Variants in PPP2R2C observed in about 807,000 individuals in gnomAD.
PPP2R2C encodes protein phosphatase 2, regulatory subunit B, gamma.
In PPP2R2C, 10 loss-of-function variants were observed where a neutral mutation model predicts 45.3. That is an observed-to-expected ratio of 0.22 (90% CI 0.14 to 0.37). The LOEUF is 0.37. Ranked by LOEUF, PPP2R2C falls within the 10% of genes least tolerant of loss-of-function variation. The probability of loss-of-function intolerance (pLI) is 1.00; values close to 1 mark genes in which losing one functional copy is unlikely to be tolerated. For missense variants in PPP2R2C, 308 were observed against 619.7 expected (o/e 0.50, Z 5.34); for synonymous variants, 257 against 245.4 (o/e 1.05, Z -0.44).
At chr4:6,514,266 C>G (rs1454882964) in intron 2 of PPP2R2C, among the ~76,000 whole-genome samples, 1 of 152,144 alleles carries the variant, frequency 6.6e-6, no homozygotes, top group African/African-American at 2.4e-5. Flanking sequence ...CTAAATGAAC[C>G]AAGTGGAGGA....
chr4:6,372,461 C>T (rs1199254946), intron 5 of PPP2R2C, 62 bp downstream of exon 5: 30 of 1,551,724 alleles, frequency 1.9e-5, no homozygotes, highest in East Asian at 1.1e-4. Flanking sequence ...AAACCAAACC[C>T]ACCACCCAAC....
At chr4:6,463,456 C>T (rs1264389195) in intron 1 of PPP2R2C, among the ~76,000 whole-genome samples, 1 of 152,248 alleles carries the variant, frequency 6.6e-6, no homozygotes, top group Non-Finnish European at 1.5e-5. Flanking sequence ...GCCCACACCC[C>T]AGCTGGGAAC....
chr4:6,446,292 C>A (rs551393240), intron 1 of PPP2R2C, among the ~76,000 whole-genome samples: 3 of 152,318 alleles, frequency 2.0e-5, no homozygotes, highest in African/African-American at 7.2e-5. Flanking sequence ...CCGACACACC[C>A]ACAGACACCA....
At chr4:6,392,288 A>T (rs1212443854) in intron 1 of PPP2R2C, among the ~76,000 whole-genome samples, 1 of 152,206 alleles carries the variant, frequency 6.6e-6, no homozygotes, top group Non-Finnish European at 1.5e-5. Context: ...ACTGTTGCAT[A>T]CACTGGAAAT....
Position 6,471,407 on chromosome 4 carries a change from G to A in PPP2R2C, c.70+753C>T, listed in dbSNP as rs1279547620. Among the ~76,000 whole-genome samples the A allele has an allele frequency of 6.6e-6, 1 of 152,082 alleles. No individual in the cohort carries two copies. The highest frequency in any genetic ancestry group is 2.4e-5 in the African/African-American group (1 of 41,446). On this transcript the variant is annotated intron_variant, in intron 1 of 8. Transcript: ENST00000382599. This position sits in a 1 kb window ranked among gnomAD's most constrained non-coding sequence, Gnocchi z 5.6. ...AGTTCCAGGCCTGTAAGAGAGGGGC[G>A]CTGACCCACCAGCCTCGGGGGTAGG... is the stretch of plus-strand genomic sequence containing the variant.
chr4:6,406,176 C>G (rs1006991098), intron 1 of PPP2R2C, among the ~76,000 whole-genome samples: 25 of 152,158 alleles, frequency 1.6e-4, no homozygotes, highest in Admixed American at 9.8e-4. Flanking sequence ...TTTGGGTTTG[C>G]CTTCCTGAAT....
chr4:6,488,245 G>A (rs1361668326), intron 2 of PPP2R2C, among the ~76,000 whole-genome samples: 1 of 152,138 alleles, frequency 6.6e-6, no homozygotes, highest in Non-Finnish European at 1.5e-5. Context: ...ATTATGATTT[G>A]CATTTTCCTG....
intron 5 of PPP2R2C, among the ~76,000 whole-genome samples, chr4:6,366,706 G>C (rs1021965146): frequency 6.6e-6 from 1 of 152,206 alleles, no homozygotes; most frequent in Admixed American, 6.5e-5. Flanking sequence ...CCAGGCCAAA[G>C]AGGCAGATGG....
intron 2 of PPP2R2C, among the ~76,000 whole-genome samples, chr4:6,532,360 C>T (rs973464558): frequency 3.3e-5 from 5 of 152,234 alleles, no homozygotes; most frequent in African/African-American, 9.6e-5. Context: ...GGCCAGGGTT[C>T]TCACAGTGTT....
chr4:6,478,750 C>A (rs930288772), intron 2 of PPP2R2C, among the ~76,000 whole-genome samples: 3 of 152,230 alleles, frequency 2.0e-5, no homozygotes, highest in African/African-American at 4.8e-5. Context: ...CCGTGAATGA[C>A]CCTCCAAAAC....
chr4:6,488,717 A>G (rs1004319147), intron 2 of PPP2R2C, among the ~76,000 whole-genome samples: 1 of 152,192 alleles, frequency 6.6e-6, no homozygotes, highest in South Asian at 2.1e-4. Flanking sequence ...CACCCTTTCA[A>G]AAGTTTTGCT....
At position 6,433,234 on chromosome 4, in the gene PPP2R2C, A is replaced by C. The variant is rs143251302; in HGVS notation, c.70+38926T>G. Among the ~76,000 whole-genome samples the C allele has an allele frequency of 6.3e-4, 96 of 152,194 alleles. 1 individual carries two copies. The Middle Eastern group carries it at 0.02, about 32-fold the overall frequency. On this transcript the variant is annotated intron_variant, in intron 1 of 8. Transcript: ENST00000382599. ...TGTTCGAGGGTCTGCTCTGTTGCTG[A>C]ATGGCTCTCTGTGCACAGCTGAAGG...
intron 1 of PPP2R2C, among the ~76,000 whole-genome samples, chr4:6,403,256 T>C (rs150611739): frequency 7.2e-5 from 11 of 152,096 alleles, no homozygotes; most frequent in African/African-American, 2.4e-4. Flanking sequence ...AATGGGAGGA[T>C]TGATCATCTC....
chr4:6,528,023 C>T (rs1306822145), intron 2 of PPP2R2C, among the ~76,000 whole-genome samples: 2 of 152,234 alleles, frequency 1.3e-5, no homozygotes, highest in East Asian at 1.9e-4. Flanking sequence ...CAGGATAAGA[C>T]GATGAAGAAT....
intron 1 of PPP2R2C, among the ~76,000 whole-genome samples, chr4:6,442,546 G>A (rs1280112196): frequency 6.6e-6 from 1 of 152,228 alleles, no homozygotes; most frequent in Non-Finnish European, 1.5e-5. Context: ...ATGGCCCCAA[G>A]GGCTGGGAGA....
At chr4:6,443,839 A>G (rs1282762351) in intron 1 of PPP2R2C, among the ~76,000 whole-genome samples, 1 of 149,228 alleles carries the variant, frequency 6.7e-6, no homozygotes, top group African/African-American at 2.5e-5. Flanking sequence ...CTCCCGGTGC[A>G]TCTTTTCTGG....
At chr4:6,371,418 GGCTTCTACT>G (rs1714819072) in intron 5 of PPP2R2C, among the ~76,000 whole-genome samples, 1 of 152,148 alleles carries the variant, frequency 6.6e-6, no homozygotes, top group African/African-American at 2.4e-5. Flanking sequence ...CAGCTATCCC[GGCTTCTACT>G]GCTCCGAGGG....
rs1714506072 is a variant in PPP2R2C at position 6,368,278 on chromosome 4, C to A, written c.625+4245G>T. On this transcript the variant is annotated intron_variant, in intron 5 of 8. Transcript: ENST00000382599. This position sits in a 1 kb window ranked among gnomAD's most constrained non-coding sequence, Gnocchi z 4.2. ...CCACCGACCTGAGGCCTGCAGCCAG[C>A]AGCAGGCGTGGCTGGAGAGAAATGT... 1.3e-5 allele frequency among the ~76,000 whole-genome samples: 2 copies of A among 152,216 alleles called. No individual in the cohort carries two copies. The highest frequency in any genetic ancestry group is 4.8e-5 in the African/African-American group (2 of 41,460).
chr4:6,431,916 G>A (rs370267203), intron 1 of PPP2R2C, among the ~76,000 whole-genome samples: 1 of 152,150 alleles, frequency 6.6e-6, no homozygotes, highest in African/African-American at 2.4e-5. Context: ...AGATCGAGGT[G>A]TAGAAGCTTC....
Sources: gnomAD v4.1 joint callset for allele counts (sites outside exome capture counted in the v4.1 genomes callset) on GRCh38, gnomAD v4.1.1 for gene constraint, Gnocchi (gnomAD v3.1) non-coding constraint, MANE v1.5 for transcripts, NCBI Gene and HGNC (gene_info 2026-07-23, HGNC 2026-07-21) for gene names.